The following GNAT3 variants were observed in gnomAD, a reference collection of about 807,000 sequenced individuals.
The protein encoded by GNAT3 is guanine nucleotide-binding protein G(t) subunit alpha-3.
A neutral mutation model predicts 37.7 loss-of-function variants in GNAT3; 31 were observed. That is an observed-to-expected ratio of 0.82 (90% CI 0.62 to 1.11). The LOEUF (loss-of-function observed/expected upper bound fraction) is 1.11. Ranked by LOEUF, GNAT3 falls within the 50% of genes most tolerant of loss-of-function variation. The pLI, the probability that GNAT3 is intolerant of heterozygous loss-of-function variation, is 0.00. For missense variants in GNAT3, 437 were observed against 412.5 expected, an observed-to-expected ratio of 1.06 and a Z score of -0.51; for synonymous variants, 138 against 139.8, an observed-to-expected ratio of 0.99 and a Z score of 0.09.
intron 7 of GNAT3, among the ~76,000 whole-genome samples, chr7:80,460,507 C>T (rs1424872286): frequency 1.3e-5 from 2 of 152,104 alleles, no homozygotes; most frequent in African/African-American, 4.8e-5. Flanking sequence ...AATCCTAACA[C>T]TTTGGGAGGG....
intron 5 of GNAT3, among the ~76,000 whole-genome samples, 177 bp from the exon 6 acceptor site, chr7:80,462,808 G>C (rs888423410): frequency 4.6e-5 from 7 of 152,022 alleles, no homozygotes; most frequent in Non-Finnish European, 1.0e-4. Context: ...GGACTACAGA[G>C]AAAAAACAGT....
chr7:80,476,651 A>G (rs981342194), intron 4 of GNAT3, among the ~76,000 whole-genome samples: 3 of 151,816 alleles, frequency 2.0e-5, no homozygotes, highest in Non-Finnish European at 2.9e-5. Context: ...TACTTTTACC[A>G]GAAAAAGAAA....
intron 5 of GNAT3, 21 bp downstream of exon 5, chr7:80,474,230 A>T: frequency 6.2e-7 from 1 of 1,600,128 alleles, no homozygotes; most frequent in Non-Finnish European, 8.5e-7. Flanking sequence ...GTCTACAGTT[A>T]GAAAAGATAT....
intron 3 of GNAT3, among the ~76,000 whole-genome samples, chr7:80,482,460 TTTC>T (rs1352815465): frequency 6.6e-6 from 1 of 152,020 alleles, no homozygotes; most frequent in African/African-American, 2.4e-5. Context: ...TCTGTTTTTC[TTTC>T]TTATTTTCTT....
intron 2 of GNAT3, among the ~76,000 whole-genome samples, chr7:80,491,903 G>A (rs1268676837): frequency 6.6e-6 from 1 of 152,148 alleles, no homozygotes; most frequent in East Asian, 1.9e-4. Context: ...TGTAGAAAAT[G>A]TGAAAAGCCT....
intron 5 of GNAT3, among the ~76,000 whole-genome samples, chr7:80,472,962 G>C (rs1248104525): frequency 4.6e-5 from 7 of 152,164 alleles, no homozygotes; most frequent in Admixed American, 4.6e-4. Context: ...AAAAGAAAGA[G>C]TAAGACAGAA....
At chr7:80,467,525 T>C (rs1342498487) in intron 5 of GNAT3, among the ~76,000 whole-genome samples, 2 of 152,116 alleles carry the variant, frequency 1.3e-5, no homozygotes, top group Non-Finnish European at 2.9e-5. Flanking sequence ...ATTGTAGTCA[T>C]TTATTTTTCA....
Position 80,511,933 on chromosome 7 carries a change from G to A in GNAT3, c.-7C>T. 6.3e-7 allele frequency: 1 copy of A among 1,581,736 alleles called. No homozygotes were observed. Among genetic ancestry groups the A allele is most frequent in the Non-Finnish European group, 8.7e-7 (1 of 1,152,574 alleles). On this transcript the variant is annotated 5_prime_UTR_variant, in exon 1 of 8. Transcript: ENST00000398291. The stretch of plus-strand genomic sequence containing the variant: ...AACTAATTCCACTTCCCATCTTGTG[G>A]TGGTAGATACTTGTCAGTTTATATG...
intron 1 of GNAT3, among the ~76,000 whole-genome samples, chr7:80,507,297 A>G (rs1043795326): frequency 2.0e-5 from 3 of 151,930 alleles, no homozygotes; most frequent in Non-Finnish European, 4.4e-5. Context: ...AGTTTCCTGG[A>G]ATCTCTCCCA....
chr7:80,501,665 T>C (rs913534125), intron 1 of GNAT3, among the ~76,000 whole-genome samples: 3 of 152,004 alleles, frequency 2.0e-5, no homozygotes, highest in Non-Finnish European at 4.4e-5. Context: ...GTAATATTTT[T>C]GTTATTTTGT....
chr7:80,459,697 T>A (rs1790017084), intron 7 of GNAT3, among the ~76,000 whole-genome samples: 1 of 152,198 alleles, frequency 6.6e-6, no homozygotes, highest in South Asian at 2.1e-4. Flanking sequence ...TTAAGGGGAC[T>A]TGACACAGAA....
At chr7:80,475,909 T>C (rs906659286) in intron 4 of GNAT3, among the ~76,000 whole-genome samples, 2 of 152,006 alleles carry the variant, frequency 1.3e-5, no homozygotes, top group Admixed American at 1.3e-4. Flanking sequence ...AGTTTTCTTT[T>C]GAAAAAAGAG....
chr7:80,481,275 A>G (rs1277826054), intron 3 of GNAT3, among the ~76,000 whole-genome samples: 1 of 152,140 alleles, frequency 6.6e-6, no homozygotes, highest in African/African-American at 2.4e-5. Flanking sequence ...TAAGTCCCCC[A>G]AGCAACAGAA....
At chr7:80,470,829 C>T (rs1166618783) in intron 5 of GNAT3, among the ~76,000 whole-genome samples, 2 of 151,892 alleles carry the variant, frequency 1.3e-5, no homozygotes. Flanking sequence ...TTATTTTAAA[C>T]ATTAATGCAA....
chr7:80,482,450 T>G (rs1237490819), intron 3 of GNAT3, among the ~76,000 whole-genome samples: 1 of 152,098 alleles, frequency 6.6e-6, no homozygotes, highest in Non-Finnish European at 1.5e-5. Flanking sequence ...TTCATTTCTT[T>G]CTGTTTTTCT....
rs535767174 is a variant in GNAT3, at chr7:80,482,664, C to G, written c.304-3666G>C. ...AAGTAGCTGAGACTACAGGTGCACACCACCACACCCAGCTAATTTTTGTAA... is the reference window on the plus strand; with the variant it reads ...AAGTAGCTGAGACTACAGGTGCACAGCACCACACCCAGCTAATTTTTGTAA... On this transcript the variant is annotated intron_variant, in intron 3 of 7. Transcript: ENST00000398291. Among the ~76,000 whole-genome samples the G allele has an allele frequency of 3.3e-5, 5 of 150,100 alleles. No individual in the cohort carries two copies. The South Asian group carries it at 1.1e-3, about 32-fold the overall frequency.
intron 4 of GNAT3, among the ~76,000 whole-genome samples, chr7:80,476,417 A>C (rs1208363918): frequency 2.1e-5 from 3 of 146,022 alleles, no homozygotes; most frequent in Non-Finnish European, 4.5e-5. Context: ...CTTAAAGCAC[A>C]TGGAATTTTA....
intron 4 of GNAT3, among the ~76,000 whole-genome samples, chr7:80,476,498 C>T (rs1217752407): frequency 2.0e-5 from 3 of 149,364 alleles, no homozygotes; most frequent in African/African-American, 7.4e-5. Flanking sequence ...TTATCCCTGC[C>T]ATACCCCTCT....
intron 1 of GNAT3, 45 bp downstream of exon 1, chr7:80,511,764 G>GAAAAA (rs765448134): frequency 8.6e-7 from 1 of 1,161,028 alleles, no homozygotes; most frequent in Admixed American, 2.0e-5. Context: ...TATCACAATT[G>GAAAAA]AAAAAAAAGT....
Sources: gnomAD v4.1 joint callset for allele counts (sites outside exome capture counted in the v4.1 genomes callset) on GRCh38, gnomAD v4.1.1 for gene constraint, MANE v1.5 for transcripts, NCBI Gene and HGNC (gene_info 2026-07-23, HGNC 2026-07-21) for gene names.